Variants in DST observed in about 807,000 individuals in gnomAD.
The protein encoded by DST is dystonin.
A neutral mutation model predicts 875.2 loss-of-function variants in DST; 253 were observed. That is an observed-to-expected ratio of 0.29 (90% CI 0.26 to 0.32). The LOEUF (loss-of-function observed/expected upper bound fraction) is 0.32, where lower values mean the gene tolerates loss of function less well. Among genes scored for constraint, DST ranks in the 10% least tolerant of loss-of-function variants. DST has a pLI of 1.00. For missense variants in DST, 8,287 were observed against 9,111.6 expected (o/e 0.91, Z 3.68); for synonymous variants, 3,124 against 3,197.1 (o/e 0.98, Z 0.77).
At position 56,553,231 on chromosome 6, in the gene DST, G is replaced by A. The variant is rs1435578471; in HGVS notation, c.15561C>T (p.Asn5187=). The A allele has an allele frequency of 6.2e-7, 1 of 1,613,866 alleles. No individual in the cohort carries two copies. Among genetic ancestry groups the A allele is most frequent in the East Asian group, 2.2e-5 (1 of 44,874 alleles). The change falls in exon 61 of 104, where the codon AAC becomes AAT. Residue 5187 remains asparagine, a synonymous_variant. Transcript: ENST00000680361. ...AGCAAAATTTTATTTCCTCCAGGTTGTTTTGGCATTTGTCTATCCATGGCC... is the reference window on the plus strand; with the variant it reads ...AGCAAAATTTTATTTCCTCCAGGTTATTTTGGCATTTGTCTATCCATGGCC... The part of the protein sequence containing the change: ...TLWPWIDKCQ[N]NLEEIKFCLD...
intron 77 of DST, among the ~76,000 whole-genome samples, chr6:56,506,036 G>GTGATAT (rs1467907561): frequency 6.6e-6 from 1 of 152,044 alleles, no homozygotes; most frequent in East Asian, 1.9e-4. Flanking sequence ...GTTAAACTTG[G>GTGATAT]TGATATTTTT....
chr6:56,922,556 T>A (rs1350754567), intron 2 of DST, among the ~76,000 whole-genome samples: 3 of 152,164 alleles, frequency 2.0e-5, no homozygotes, highest in African/African-American at 7.2e-5. Context: ...TTTGTTTGCA[T>A]CTCTAGCCTC....
At chr6:56,561,259 C>A in intron 57 of DST, 49 bp downstream of exon 57, 1 of 1,545,020 alleles carries the variant, frequency 6.5e-7, no homozygotes. Context: ...GTTCCAACTG[C>A]TAATCCATTC....
At chr6:56,615,228 T>A (rs946708508) in intron 36 of DST, 2 of 1,195,118 alleles carry the variant, frequency 1.7e-6, no homozygotes, top group African/African-American at 3.1e-5. Context: ...AACTTGGAGT[T>A]CATCAAGTTT....
chr6:56,572,724 C>T, intron 52 of DST, 23 bp downstream of exon 52: 1 of 1,524,554 alleles, frequency 6.6e-7, no homozygotes. Flanking sequence ...TGATTAGCCT[C>T]CTGAGTAGTA....
At chr6:56,746,271 C>T (rs1012613470) in intron 4 of DST, among the ~76,000 whole-genome samples, 5 of 152,176 alleles carry the variant, frequency 3.3e-5, no homozygotes, top group Non-Finnish European at 5.9e-5. Context: ...GAGGTATGAG[C>T]CACCTCACTC....
intron 3 of DST, among the ~76,000 whole-genome samples, chr6:56,885,945 T>C (rs1784504104): frequency 6.6e-6 from 1 of 152,234 alleles, no homozygotes. Flanking sequence ...TAGCCAGTGG[T>C]ATTACCCAGT....
At chr6:56,786,543 T>C (rs1275652880) in intron 4 of DST, among the ~76,000 whole-genome samples, 2 of 152,200 alleles carry the variant, frequency 1.3e-5, no homozygotes, top group African/African-American at 4.8e-5. Flanking sequence ...TTTGTTTTGT[T>C]TGTTTTTGAG....
rs563535309 is a variant in DST, at chr6:56,779,155, T to C, written c.626-43866A>G. Among the ~76,000 whole-genome samples, 9 of 152,236 alleles carry C rather than the reference T, an allele frequency of 5.9e-5. No individual in the cohort carries two copies. In the South Asian group the frequency reaches 6.2e-4, roughly 11 times the overall value. The stretch of plus-strand genomic sequence containing the variant: ...GCCAGTGATGATGAGCATTTTTTCA[T>C]GTGTCTTTTGGCTGCATAAACGTCT... On this transcript the variant is annotated intron_variant, in intron 4 of 103. Coordinates refer to ENST00000680361, the MANE Select transcript of DST (RefSeq NM_001374736.1).
chr6:56,780,225 C>T (rs2099690053), intron 4 of DST, among the ~76,000 whole-genome samples: 1 of 151,844 alleles, frequency 6.6e-6, no homozygotes, highest in Non-Finnish European at 1.5e-5. Flanking sequence ...ATTTATAGTC[C>T]TTTGGGTATA....
intron 36 of DST, among the ~76,000 whole-genome samples, chr6:56,624,023 A>C (rs759064374): frequency 6.6e-6 from 1 of 152,020 alleles, no homozygotes; most frequent in Non-Finnish European, 1.5e-5. Flanking sequence ...AATTCTTAAA[A>C]AGTATCATTT....
intron 49 of DST, among the ~76,000 whole-genome samples, chr6:56,579,372 G>A (rs775490388): frequency 6.6e-6 from 1 of 152,104 alleles, no homozygotes; most frequent in Non-Finnish European, 1.5e-5. Flanking sequence ...ACTCAATACT[G>A]AGTCATGTTT....
At chr6:56,845,455 G>A (rs886839293) in intron 4 of DST, among the ~76,000 whole-genome samples, 4 of 152,160 alleles carry the variant, frequency 2.6e-5, no homozygotes, top group Admixed American at 1.3e-4. Context: ...AACAAAGCAA[G>A]ACCACATCTC....
At chr6:56,490,199 A>G (rs1038178885) in intron 85 of DST, among the ~76,000 whole-genome samples, 4 of 152,110 alleles carry the variant, frequency 2.6e-5, no homozygotes, top group African/African-American at 9.7e-5. Context: ...TGCCTCACAT[A>G]TTGGTTTTAT....
chr6:56,747,751 T>A (rs1194800053), intron 4 of DST, among the ~76,000 whole-genome samples: 1 of 152,176 alleles, frequency 6.6e-6, no homozygotes, highest in Non-Finnish European at 1.5e-5. Flanking sequence ...TGTAACTCGA[T>A]GAAAATAAAT....
chr6:56,642,879 A>G, intron 15 of DST: 1 of 1,596,190 alleles, frequency 6.3e-7, no homozygotes, highest in Non-Finnish European at 8.5e-7. Context: ...TAACGGTGAA[A>G]AGTGGCAGCT....
At chr6:56,668,147 T>A (rs1199530212) in intron 10 of DST, among the ~76,000 whole-genome samples, 1 of 152,174 alleles carries the variant, frequency 6.6e-6, no homozygotes, top group Non-Finnish European at 1.5e-5. Context: ...ACTTTAGGTA[T>A]CACAATTGAA....
At chr6:56,530,955 G>A (rs1203220457) in intron 64 of DST, among the ~76,000 whole-genome samples, 1 of 152,052 alleles carries the variant, frequency 6.6e-6, no homozygotes, top group Non-Finnish European at 1.5e-5. Flanking sequence ...AATTTTCAGG[G>A]AATTACATGT....
intron 78 of DST, among the ~76,000 whole-genome samples, chr6:56,502,043 A>G (rs2096145663): frequency 6.6e-6 from 1 of 152,146 alleles, no homozygotes; most frequent in Non-Finnish European, 1.5e-5. Flanking sequence ...AAAATGAAAC[A>G]TATGTTGACA....
Sources: allele counts gnomAD v4.1 joint callset (sites outside exome capture counted in the v4.1 genomes callset), GRCh38; gene constraint gnomAD v4.1.1; transcripts MANE v1.5; gene names NCBI Gene and HGNC (gene_info 2026-07-23, HGNC 2026-07-21).